The following HECW1 variants were observed in gnomAD, a reference collection of about 807,000 sequenced individuals.
HECW1 encodes the protein E3 ubiquitin-protein ligase HECW1.
Under a neutral mutation model 182.3 loss-of-function variants are expected in HECW1, and 61 were observed. That is an observed-to-expected ratio of 0.33 (90% CI 0.27 to 0.41). The LOEUF is 0.41. Ranked by LOEUF, HECW1 falls within the 10% of genes least tolerant of loss-of-function variation. HECW1 has a pLI of 1.00. For missense variants in HECW1, 1,739 were observed against 2,108.9 expected (o/e 0.82, Z 3.44); for synonymous variants, 859 against 832.6 (o/e 1.03, Z -0.55).
intron 3 of HECW1, among the ~76,000 whole-genome samples, chr7:43,276,517 T>C (rs1238738886): frequency 6.6e-6 from 1 of 152,244 alleles, no homozygotes; most frequent in Non-Finnish European, 1.5e-5. Flanking sequence ...ACAATTACTT[T>C]TAAAAATCAT....
intron 12 of HECW1, among the ~76,000 whole-genome samples, chr7:43,453,357 G>C (rs2077297386): frequency 6.6e-6 from 1 of 152,168 alleles, no homozygotes; most frequent in African/African-American, 2.4e-5. Flanking sequence ...GGATGTGAGA[G>C]AAAGATAGGT....
At chr7:43,409,730 T>A (rs1026034400) in intron 8 of HECW1, among the ~76,000 whole-genome samples, 1 of 152,202 alleles carries the variant, frequency 6.6e-6, no homozygotes, top group African/African-American at 2.4e-5. Flanking sequence ...GGATAACTGA[T>A]GTCCCAAGTT....
intron 1 of HECW1, chr7:43,113,816 T>A (rs1414851124): frequency 4.3e-6 from 1 of 232,448 alleles, no homozygotes; most frequent in Non-Finnish European, 8.5e-6. Context: ...TTCTGATTGC[T>A]CTGCCGCTTT....
chr7:43,289,987 G>C (rs936743958), intron 3 of HECW1, among the ~76,000 whole-genome samples: 35 of 152,236 alleles, frequency 2.3e-4, no homozygotes, highest in African/African-American at 8.4e-4. Context: ...TTAGGATAAA[G>C]CGGGTTGTGG....
At chr7:43,404,080 T>C (rs560520177) in intron 7 of HECW1, among the ~76,000 whole-genome samples, 1 of 152,352 alleles carries the variant, frequency 6.6e-6, no homozygotes, top group African/African-American at 2.4e-5. Context: ...CTGAAAGAGT[T>C]AAATTGGTTT....
At chr7:43,142,906 C>A (rs765434220) in intron 2 of HECW1, among the ~76,000 whole-genome samples, 3 of 150,482 alleles carry the variant, frequency 2.0e-5, no homozygotes, top group African/African-American at 7.3e-5. Context: ...TCTGTAAAAT[C>A]GACAGGTCCC....
intron 28 of HECW1, among the ~76,000 whole-genome samples, chr7:43,553,795 C>G (rs755349814): frequency 1.2e-4 from 18 of 151,858 alleles, no homozygotes; most frequent in Middle Eastern, 3.2e-3. Context: ...TGCATATTTC[C>G]TCCTCTTTCT....
chr7:43,149,687 C>T (rs1357072160), intron 2 of HECW1, among the ~76,000 whole-genome samples: 1 of 152,022 alleles, frequency 6.6e-6, no homozygotes, highest in East Asian at 1.9e-4. Flanking sequence ...ATTTTTGCAA[C>T]TTTTCTATAA....
intron 3 of HECW1, among the ~76,000 whole-genome samples, chr7:43,276,617 T>C (rs1047013177): frequency 5.9e-5 from 9 of 152,204 alleles, no homozygotes; most frequent in African/African-American, 2.2e-4. Context: ...ATGTGCCTTA[T>C]TTATTTGATG....
At chr7:43,448,152 A>AG (rs1181394530) in intron 11 of HECW1, among the ~76,000 whole-genome samples, 1 of 152,002 alleles carries the variant, frequency 6.6e-6, no homozygotes. Context: ...AAAGAGAGAG[A>AG]GAAAAAAAAA....
At chr7:43,407,533 T>G in intron 7 of HECW1, 29 bp from the exon 8 acceptor site, 1 of 1,567,508 alleles carries the variant, frequency 6.4e-7, no homozygotes, top group Non-Finnish European at 8.7e-7. Flanking sequence ...CTAAAACATA[T>G]TTAAATTAAA....
At chr7:43,383,251 A>C (rs1386739901) in intron 6 of HECW1, among the ~76,000 whole-genome samples, 1 of 152,174 alleles carries the variant, frequency 6.6e-6, no homozygotes, top group Non-Finnish European at 1.5e-5. Context: ...ATATGTGTGC[A>C]TGTGTCTTTA....
At chr7:43,499,214 T>G (rs1585097353) in intron 19 of HECW1, among the ~76,000 whole-genome samples, 1 of 151,948 alleles carries the variant, frequency 6.6e-6, no homozygotes, top group Non-Finnish European at 1.5e-5. Flanking sequence ...CCTTGGGAGG[T>G]TGGGGCTTCA....
Position 43,127,523 on chromosome 7 carries a change from C to CAA in HECW1, c.-32+13154_-32+13155dup, listed in dbSNP as rs71562078. ...GGGCAACAAGAGTGAAACTCCATCTCAAAAAAAAAAAAAAAAAAAAAAAGG... is the reference window on the plus strand; with the variant it reads ...GGGCAACAAGAGTGAAACTCCATCTCAAAAAAAAAAAAAAAAAAAAAAAAAGG... On this transcript the variant is annotated intron_variant, in intron 2 of 29. Coordinates refer to ENST00000395891, the MANE Select transcript of HECW1 (RefSeq NM_015052.5). Among the ~76,000 whole-genome samples, 332 of 56,402 alleles carry CAA rather than the reference C, an allele frequency of 5.9e-3. 9 individuals carry two copies. The highest frequency in any genetic ancestry group is 0.012 in the Middle Eastern group (1 of 84). 37.0% of individuals were successfully genotyped at this position (56,402 alleles called of 152,430 possible).
chr7:43,460,500 T>C (rs1195390554), intron 13 of HECW1, among the ~76,000 whole-genome samples: 1 of 152,130 alleles, frequency 6.6e-6, no homozygotes, highest in African/African-American at 2.4e-5. Flanking sequence ...GGAGGGCTTT[T>C]TTCCTTCTTG....
chr7:43,537,056 C>T (rs1207631864), intron 24 of HECW1, among the ~76,000 whole-genome samples: 1 of 152,200 alleles, frequency 6.6e-6, no homozygotes, highest in Non-Finnish European at 1.5e-5. Context: ...AGAATGTCAG[C>T]GCAGAAAAAG....
At chr7:43,178,653 C>T (rs150095102) in intron 2 of HECW1, among the ~76,000 whole-genome samples, 1,543 of 152,268 alleles carry the variant, frequency 0.01, 16 homozygotes, top group African/African-American at 0.033. Context: ...CTTGCGTTCT[C>T]TCACATCCCT....
intron 3 of HECW1, among the ~76,000 whole-genome samples, chr7:43,261,383 G>C (rs1036597029): frequency 6.6e-6 from 1 of 152,190 alleles, no homozygotes; most frequent in South Asian, 2.1e-4. Flanking sequence ...TTCCTGAGGA[G>C]TATGACTTCC....
At chr7:43,514,004 C>T (rs1444836312) in intron 24 of HECW1, among the ~76,000 whole-genome samples, 2 of 152,176 alleles carry the variant, frequency 1.3e-5, no homozygotes, top group Admixed American at 1.3e-4. Context: ...CAACACTCTT[C>T]TTCCACCCTC....
Sources: gnomAD v4.1 joint callset for allele counts (sites outside exome capture counted in the v4.1 genomes callset) on GRCh38, gnomAD v4.1.1 for gene constraint, MANE v1.5 for transcripts, NCBI Gene and HGNC (gene_info 2026-07-23, HGNC 2026-07-21) for gene names.